TRIM44: variants seen among roughly 807,000 people sequenced by gnomAD.
TRIM44 encodes tripartite motif-containing protein 44.
In TRIM44, 13 loss-of-function variants were observed where a neutral mutation model predicts 37.4. That is an observed-to-expected ratio of 0.35 (90% confidence interval 0.23 to 0.55). The LOEUF (loss-of-function observed/expected upper bound fraction) is 0.55. TRIM44 is among the 20% of genes least tolerant of loss of function. TRIM44 has a pLI of 0.89. For synonymous variants in TRIM44, 175 were observed against 157.2 expected (o/e 1.11, Z -0.85); for missense variants, 426 against 437.2 (o/e 0.97, Z 0.23).
chr11:35,753,070 T>A (rs1439945901), intron 4 of TRIM44, among the ~76,000 whole-genome samples: 9 of 152,208 alleles, frequency 5.9e-5, no homozygotes, highest in African/African-American at 1.7e-4. Context: ...AAACCCTGGT[T>A]TGGAATAGGA....
intron 4 of TRIM44, among the ~76,000 whole-genome samples, chr11:35,793,089 G>C (rs1411171436): frequency 6.7e-6 from 1 of 149,782 alleles, no homozygotes; most frequent in Admixed American, 6.7e-5. Flanking sequence ...CAAGAACCAA[G>C]ATGAGAATCT....
chr11:35,757,804 C>T lies in TRIM44; in HGVS notation c.1007+22359C>T, dbSNP rs530983108. 5.9e-5 allele frequency among the ~76,000 whole-genome samples: 9 copies of T among 152,236 alleles called. No individual in the cohort carries two copies. The South Asian group carries it at 6.2e-4, about 11-fold the overall frequency. ...GTTGTTCAGTTTCCATGTAGTTGAGCGGTTTTTAGTGAGTTTCTTAATCTT... is the reference window on the plus strand; with the variant it reads ...GTTGTTCAGTTTCCATGTAGTTGAGTGGTTTTTAGTGAGTTTCTTAATCTT... On this transcript the variant is annotated intron_variant, in intron 4 of 4. Transcript: ENST00000299413.
At chr11:35,703,597 G>A (rs996690166) in intron 2 of TRIM44, among the ~76,000 whole-genome samples, 6 of 152,244 alleles carry the variant, frequency 3.9e-5, no homozygotes, top group Middle Eastern at 3.4e-3. Flanking sequence ...CAGCATTCGC[G>A]GTTCACAAAA....
intron 4 of TRIM44, among the ~76,000 whole-genome samples, chr11:35,779,962 G>A (rs569214508): frequency 7.3e-5 from 11 of 150,460 alleles, no homozygotes; most frequent in East Asian, 1.9e-4. Flanking sequence ...TCCATTGATC[G>A]GTATGTCTGT....
intron 3 of TRIM44, among the ~76,000 whole-genome samples, chr11:35,730,986 G>C (rs1852250605): frequency 6.6e-6 from 1 of 151,586 alleles, no homozygotes. Context: ...TATAATAGTG[G>C]CTTTATAGAT....
intron 4 of TRIM44, among the ~76,000 whole-genome samples, chr11:35,797,107 G>T (rs1853302869): frequency 6.6e-6 from 1 of 152,142 alleles, no homozygotes; most frequent in Non-Finnish European, 1.5e-5. Flanking sequence ...TGTAGTGCTA[G>T]AAAGTAGGGA....
chr11:35,667,460 C>G (rs139744547), intron 1 of TRIM44, among the ~76,000 whole-genome samples: 39 of 152,254 alleles, frequency 2.6e-4, no homozygotes, highest in African/African-American at 9.4e-4. Context: ...ATCTCAAATT[C>G]CTGGGCTTAA....
At chr11:35,752,705 C>G (rs1852574025) in intron 4 of TRIM44, among the ~76,000 whole-genome samples, 1 of 152,170 alleles carries the variant, frequency 6.6e-6, no homozygotes. Flanking sequence ...CTTTCTTCCT[C>G]TTCTTCAGAG....
intron 4 of TRIM44, among the ~76,000 whole-genome samples, chr11:35,768,374 A>C (rs1288355485): frequency 2.0e-5 from 3 of 152,206 alleles, no homozygotes; most frequent in Non-Finnish European, 4.4e-5. Context: ...TGAAGGTCAC[A>C]CAGCTAGTTG....
In TRIM44 at chr11:35,663,690, T is replaced by C. The variant is rs139171417; in HGVS notation, c.579T>C (p.Asp193=). The change falls in exon 1 of 5, where the codon GAT becomes GAC. Residue 193 remains aspartate, a synonymous_variant. Coordinates refer to ENST00000299413, the MANE Select transcript of TRIM44 (RefSeq NM_017583.6). ...GLDLSTYCQE[D]RQLICVLCPV... ...ATTTGAGTACCTATTGCCAGGAAGATAGGCAGCTCATCTGTGTCCTGTGTC... is the reference window on the plus strand; with the variant it reads ...ATTTGAGTACCTATTGCCAGGAAGACAGGCAGCTCATCTGTGTCCTGTGTC... 3.7e-4 allele frequency: 603 copies of C among 1,614,106 alleles called. 5 individuals carry two copies. In the African/African-American group the frequency reaches 7.3e-3, roughly 20 times the overall value.
intron 4 of TRIM44, among the ~76,000 whole-genome samples, chr11:35,782,278 A>G (rs1397597698): frequency 6.6e-6 from 1 of 152,168 alleles, no homozygotes; most frequent in African/African-American, 2.4e-5. Flanking sequence ...AAGGACATAT[A>G]TAAATTAGCC....
rs189541497 is a variant in TRIM44 at position 35,703,124 on chromosome 11, G to A, written c.747+17788G>A. On this transcript the variant is annotated intron_variant, in intron 2 of 4. Transcript: ENST00000299413. ...GATTATATCCCGCACATGGCTCGGAGGGTCCTATGCCCACAGAGTCTCGCT... is the reference window on the plus strand; with the variant it reads ...GATTATATCCCGCACATGGCTCGGAAGGTCCTATGCCCACAGAGTCTCGCT... Among the ~76,000 whole-genome samples, 282 of 152,358 alleles carry A rather than the reference G, an allele frequency of 1.9e-3. 2 individuals carry two copies. The highest frequency in any genetic ancestry group is 6.5e-3 in the African/African-American group (271 of 41,596).
chr11:35,725,844 C>T, intron 2 of TRIM44, 80 bp from the exon 3 acceptor site: 1 of 1,517,652 alleles, frequency 6.6e-7, no homozygotes, highest in Non-Finnish European at 8.9e-7. Flanking sequence ...GTATTTTGGC[C>T]AGGGCTGTAT....
chr11:35,690,014 A>G (rs1404147402), intron 2 of TRIM44, among the ~76,000 whole-genome samples: 2 of 152,164 alleles, frequency 1.3e-5, no homozygotes, highest in Non-Finnish European at 2.9e-5. Flanking sequence ...AATTCATACT[A>G]ATCTTATATT....
At chr11:35,773,772 T>C (rs1379686152) in intron 4 of TRIM44, among the ~76,000 whole-genome samples, 3 of 152,216 alleles carry the variant, frequency 2.0e-5, no homozygotes, top group Non-Finnish European at 2.9e-5. Flanking sequence ...GTTTCCAGCT[T>C]CATCCATGTC....
intron 2 of TRIM44, among the ~76,000 whole-genome samples, chr11:35,706,299 C>A (rs1184238447): frequency 3.3e-5 from 5 of 151,626 alleles, no homozygotes; most frequent in African/African-American, 1.2e-4. Flanking sequence ...GAGTCCAGGA[C>A]CAGATGGATT....
In TRIM44 at chr11:35,670,910, A is replaced by G. The variant is rs565626678; in HGVS notation, c.669+7130A>G. ...GAGAAGCTGCTCATTTTGATTCGATAAAGATATGAGCTTGATGGCAGCTCT... is the reference window on the plus strand; with the variant it reads ...GAGAAGCTGCTCATTTTGATTCGATGAAGATATGAGCTTGATGGCAGCTCT... On this transcript the variant is annotated intron_variant, in intron 1 of 4. Transcript: ENST00000299413. Among the ~76,000 whole-genome samples, 90 of 152,340 alleles carry G rather than the reference A, an allele frequency of 5.9e-4. 1 individual carries two copies. In the South Asian group the frequency reaches 9.5e-3, roughly 16 times the overall value.
chr11:35,750,232 C>A (rs1293996496), intron 4 of TRIM44, among the ~76,000 whole-genome samples: 1 of 152,144 alleles, frequency 6.6e-6, no homozygotes, highest in Non-Finnish European at 1.5e-5. Flanking sequence ...CAAATGCAGT[C>A]CTTGTTTTCA....
intron 3 of TRIM44, among the ~76,000 whole-genome samples, chr11:35,728,849 T>C (rs1172838130): frequency 6.6e-6 from 1 of 152,212 alleles, no homozygotes; most frequent in African/African-American, 2.4e-5. Flanking sequence ...CTTCATTACA[T>C]ATCTAGCCAT....
Sources: allele counts gnomAD v4.1 joint callset (sites outside exome capture counted in the v4.1 genomes callset), GRCh38; gene constraint gnomAD v4.1.1; transcripts MANE v1.5; gene names NCBI Gene and HGNC (gene_info 2026-07-23, HGNC 2026-07-21).